CABLES1: variants seen among roughly 807,000 people sequenced by gnomAD.
The protein encoded by CABLES1 is CDK5 and ABL1 enzyme substrate 1.
A neutral mutation model predicts 57.8 loss-of-function variants in CABLES1; 36 were observed. That is an observed-to-expected ratio of 0.62 (90% confidence interval 0.48 to 0.82). The LOEUF is 0.82. Among genes scored for constraint, CABLES1 ranks in the 40% least tolerant of loss-of-function variants. The pLI, the probability that CABLES1 is intolerant of heterozygous loss-of-function variation, is 0.00. For missense variants in CABLES1, 767 were observed against 836.6 expected (o/e 0.92, Z 1.03); for synonymous variants, 374 against 363.0 (o/e 1.03, Z -0.35).
At chr18:23,174,768 C>A (rs765456486) in intron 1 of CABLES1, among the ~76,000 whole-genome samples, 1 of 146,950 alleles carries the variant, frequency 6.8e-6, no homozygotes, top group Admixed American at 6.9e-5. Flanking sequence ...CCACCGCGCC[C>A]GGCCTGTGTT....
intron 7 of CABLES1, among the ~76,000 whole-genome samples, chr18:23,242,536 T>G (rs560920370): frequency 2.6e-5 from 4 of 152,222 alleles, no homozygotes; most frequent in Admixed American, 2.6e-4. Context: ...GGTAGTGGGT[T>G]TTTGTGTTTT....
chr18:23,176,803 T>C (rs368598151), intron 1 of CABLES1, among the ~76,000 whole-genome samples: 13 of 152,124 alleles, frequency 8.5e-5, no homozygotes, highest in African/African-American at 3.1e-4. Context: ...TTCTGAGCTG[T>C]CAAAATCCAC....
chr18:23,237,627 G>T (rs193130477), intron 7 of CABLES1, among the ~76,000 whole-genome samples: 1 of 152,260 alleles, frequency 6.6e-6, no homozygotes, highest in Non-Finnish European at 1.5e-5. Context: ...GCAGGCCTTC[G>T]TGTGCATGCT....
At chr18:23,187,362 C>T (rs2047210318) in intron 1 of CABLES1, among the ~76,000 whole-genome samples, 1 of 152,194 alleles carries the variant, frequency 6.6e-6, no homozygotes, top group South Asian at 2.1e-4. Flanking sequence ...TGCTGTTTTA[C>T]AGTTGGAGAA....
chr18:23,189,225 A>C (rs2047224299), intron 2 of CABLES1: 1 of 299,436 alleles, frequency 3.3e-6, no homozygotes, highest in African/African-American at 2.2e-5. Flanking sequence ...CCTATCCCCC[A>C]GGTGCAGTCA....
intron 7 of CABLES1, among the ~76,000 whole-genome samples, chr18:23,242,785 AT>A (rs1198641714): frequency 6.6e-6 from 1 of 152,164 alleles, no homozygotes; most frequent in African/African-American, 2.4e-5. Flanking sequence ...TAAAATGCCT[AT>A]TTTTTATTTA....
At chr18:23,161,329 G>T (rs1239759855) in intron 1 of CABLES1, among the ~76,000 whole-genome samples, 2 of 151,850 alleles carry the variant, frequency 1.3e-5, no homozygotes, top group Non-Finnish European at 2.9e-5. Context: ...TGTTTTGTGG[G>T]TGCTGTGTTC....
chr18:23,212,907 A>G (rs894003579), intron 3 of CABLES1, among the ~76,000 whole-genome samples: 1 of 152,202 alleles, frequency 6.6e-6, no homozygotes, highest in Non-Finnish European at 1.5e-5. Flanking sequence ...ATAGCATGCA[A>G]AGAACACAAG....
chr18:23,252,200 G>T (rs148735752), intron 7 of CABLES1, among the ~76,000 whole-genome samples: 45 of 152,350 alleles, frequency 3.0e-4, no homozygotes, highest in Middle Eastern at 3.4e-3. Flanking sequence ...AGTAGTGGTT[G>T]CCAGGAGCTG....
chr18:23,205,058 A>T (rs1042350148), intron 3 of CABLES1, among the ~76,000 whole-genome samples: 1 of 152,176 alleles, frequency 6.6e-6, no homozygotes, highest in African/African-American at 2.4e-5. Flanking sequence ...CAACACATTG[A>T]GAAGAAAACA....
At chr18:23,252,894 T>A in intron 7 of CABLES1, 66 bp from the exon 8 acceptor site, 1 of 1,074,360 alleles carries the variant, frequency 9.3e-7, no homozygotes, top group Non-Finnish European at 1.4e-6. Flanking sequence ...TGGTCGTAGT[T>A]GGTGCATAAT....
At chr18:23,145,348 C>G (rs1157000923) in intron 1 of CABLES1, among the ~76,000 whole-genome samples, 1 of 152,184 alleles carries the variant, frequency 6.6e-6, no homozygotes, top group Admixed American at 6.5e-5. Context: ...CCGTCTCGGC[C>G]TCCCAAAGTG....
intron 4 of CABLES1, among the ~76,000 whole-genome samples, chr18:23,231,475 A>G (rs1454058427): frequency 6.6e-6 from 1 of 152,154 alleles, no homozygotes; most frequent in African/African-American, 2.4e-5. Context: ...GGGTGGCCCC[A>G]CTATTCTTGC....
rs571248726 is a variant in CABLES1, at chr18:23,176,367, C to T, written c.846-12471C>T. ...GCGCTCCTGTGAGAATCTGATGCCCCGCTGATCTCACAGTAGGCAGAGCCC... is the reference window on the plus strand; with the variant it reads ...GCGCTCCTGTGAGAATCTGATGCCCTGCTGATCTCACAGTAGGCAGAGCCC... On this transcript the variant is annotated intron_variant, in intron 1 of 9. Coordinates refer to ENST00000256925, the MANE Select transcript of CABLES1 (RefSeq NM_001100619.3). Among the ~76,000 whole-genome samples, 14 of 152,280 alleles carry T rather than the reference C, an allele frequency of 9.2e-5. No homozygotes were observed. In the South Asian group the frequency reaches 2.5e-3, roughly 27 times the overall value.
In CABLES1 at chr18:23,174,821, CATATATATATATATATATAT is replaced by C. The variant is rs569579022; in HGVS notation, c.846-13996_846-13977del. Among the ~76,000 whole-genome samples the C allele has an allele frequency of 4.1e-3, 390 of 94,566 alleles. 8 individuals are homozygous for C. The highest frequency in any genetic ancestry group is 0.013 in the South Asian group (31 of 2,422). The allele number at this position is 94,566 out of a possible 152,430, so 62.0% of individuals were successfully genotyped here. On this transcript the variant is annotated intron_variant, in intron 1 of 9. Coordinates refer to ENST00000256925, the MANE Select transcript of CABLES1 (RefSeq NM_001100619.3). ...ATTTGTATGTATATACATGTTACAC[CATATATATATATATATATAT>C]ATATATATATATATATATATGTTTT...
rs150186721 is a variant in CABLES1, at chr18:23,250,058, G to T, written c.1447-2902G>T. On this transcript the variant is annotated intron_variant, in intron 7 of 9. Transcript: ENST00000256925. The stretch of plus-strand genomic sequence containing the variant: ...AAGCAGTGAGAGCTCTCTTTCAAGG[G>T]AAGTGTTATATCTACAAATAAGATG... Among the ~76,000 whole-genome samples, 3 of 152,300 alleles carry T rather than the reference G, an allele frequency of 2.0e-5. No individual in the cohort carries two copies. In the East Asian group the frequency reaches 5.8e-4, roughly 29 times the overall value.
At chr18:23,170,506 A>G (rs914222694) in intron 1 of CABLES1, among the ~76,000 whole-genome samples, 8 of 152,132 alleles carry the variant, frequency 5.3e-5, no homozygotes. Flanking sequence ...CAGCGTGTGC[A>G]TGGGCGTTGG....
intron 4 of CABLES1, among the ~76,000 whole-genome samples, chr18:23,222,714 C>T (rs1432004966): frequency 1.6e-4 from 25 of 152,158 alleles, no homozygotes; most frequent in Admixed American, 1.6e-3. Flanking sequence ...CTCAGCCTGG[C>T]ACCTCATCCT....
chr18:23,135,095 T>C (rs2046807808), upstream of CABLES1, among the ~76,000 whole-genome samples: 1 of 151,974 alleles, frequency 6.6e-6, no homozygotes, highest in East Asian at 1.9e-4. Context: ...GACCCACAAC[T>C]CTCCCAGGAG....
Sources: allele counts gnomAD v4.1 joint callset (sites outside exome capture counted in the v4.1 genomes callset), GRCh38; gene constraint gnomAD v4.1.1; transcripts MANE v1.5; gene names NCBI Gene and HGNC (gene_info 2026-07-23, HGNC 2026-07-21).